Variants in PLEKHM3 observed in about 807,000 individuals in gnomAD.
PLEKHM3 encodes pleckstrin homology domain containing M3.
PLEKHM3 carries 45 observed loss-of-function variants against 81.8 expected under a neutral mutation model. The ratio of observed to expected loss-of-function variants is 0.55; its 90% confidence interval spans 0.43 to 0.71. The LOEUF (loss-of-function observed/expected upper bound fraction) is 0.71, where lower values mean the gene tolerates loss of function less well. Among genes scored for constraint, PLEKHM3 ranks in the 30% least tolerant of loss-of-function variants. The pLI is 0.00. For missense variants in PLEKHM3, 788 were observed against 924.3 expected, an observed-to-expected ratio of 0.85 and a Z score of 1.91; for synonymous variants, 352 against 356.4, an observed-to-expected ratio of 0.99 and a Z score of 0.14.
intron 7 of PLEKHM3, among the ~76,000 whole-genome samples, chr2:207,834,577 C>T (rs1319358743): frequency 6.6e-6 from 1 of 151,954 alleles, no homozygotes; most frequent in Non-Finnish European, 1.5e-5. Flanking sequence ...AGGCATGTGC[C>T]ACCACGCCTG....
At chr2:207,940,157 T>G (rs1476361336) in intron 4 of PLEKHM3, among the ~76,000 whole-genome samples, 1 of 152,202 alleles carries the variant, frequency 6.6e-6, no homozygotes, top group Admixed American at 6.5e-5. Context: ...ACACATTCCG[T>G]GTGCCCAGAG....
intron 7 of PLEKHM3, 140 bp from the exon 8 acceptor site, chr2:207,828,636 C>T (rs779710124): frequency 4.0e-6 from 3 of 751,786 alleles, no homozygotes; most frequent in Non-Finnish European, 4.2e-6. Flanking sequence ...AGATGACTCA[C>T]TGAAATGAAC....
chr2:207,828,625 G>A, intron 7 of PLEKHM3, 129 bp from the exon 8 acceptor site: 2 of 813,726 alleles, frequency 2.5e-6, no homozygotes, highest in Non-Finnish European at 3.8e-6. Context: ...AATGGGAAGG[G>A]AGATGACTCA....
intron 1 of PLEKHM3, among the ~76,000 whole-genome samples, chr2:208,002,803 T>C (rs990541152): frequency 6.6e-6 from 1 of 152,000 alleles, no homozygotes; most frequent in Non-Finnish European, 1.5e-5. Context: ...GTACAGTAGA[T>C]AGTAGCCATT....
At chr2:207,968,516 T>A (rs1691003182) in intron 3 of PLEKHM3, among the ~76,000 whole-genome samples, 1 of 152,158 alleles carries the variant, frequency 6.6e-6, no homozygotes, top group Non-Finnish European at 1.5e-5. Context: ...GGTCACCCCA[T>A]CCCATTCTTC....
intron 6 of PLEKHM3, among the ~76,000 whole-genome samples, chr2:207,890,093 C>T (rs1220326655): frequency 6.6e-6 from 1 of 152,172 alleles, no homozygotes; most frequent in East Asian, 1.9e-4. Flanking sequence ...GTGTGAGCCA[C>T]CGTCCCCTGC....
chr2:207,823,382 A>G lies in PLEKHM3; in HGVS notation c.*4937T>C. 1 of 151,714 alleles carries G rather than the reference A, an allele frequency of 6.6e-6. No homozygotes were observed. 9.4% of individuals were successfully genotyped at this position (151,714 alleles called of 1,614,324 possible). A position where few individuals can be genotyped will look rare whatever the true frequency, so the allele number is the denominator to read the frequency against. ...AGTGGCGCAATCTCGGCTCACTGCA[A>G]CCTCTGCCTCCCAGGTTCAAGCAAT... is the stretch of plus-strand genomic sequence containing the variant. On this transcript the variant is annotated 3_prime_UTR_variant, in exon 8 of 8. Coordinates refer to ENST00000427836, the MANE Select transcript of PLEKHM3 (RefSeq NM_001080475.3).
chr2:207,953,179 C>T (rs985532639), intron 3 of PLEKHM3, among the ~76,000 whole-genome samples: 11 of 152,220 alleles, frequency 7.2e-5, no homozygotes, highest in African/African-American at 1.9e-4. Flanking sequence ...TGGCATGCAG[C>T]TGATAGTCTT....
chr2:207,915,016 G>A (rs1574401639), intron 5 of PLEKHM3, among the ~76,000 whole-genome samples: 1 of 152,172 alleles, frequency 6.6e-6, no homozygotes, highest in Admixed American at 6.5e-5. Context: ...CAAAGGAAAC[G>A]ATATCACTAG....
intron 7 of PLEKHM3, among the ~76,000 whole-genome samples, chr2:207,842,909 C>T (rs948131319): frequency 2.6e-5 from 4 of 152,156 alleles, no homozygotes; most frequent in Admixed American, 2.0e-4. Context: ...ATGTGAGCTT[C>T]TTAGGCGGAA....
rs1463382762 is a variant in PLEKHM3 at position 207,976,790 on chromosome 2, C to T, written c.1407G>A (p.Leu469=). The T allele has an allele frequency of 6.2e-7, 1 of 1,614,102 alleles. No homozygotes were observed. The highest frequency in any genetic ancestry group is 1.3e-5 in the African/African-American group (1 of 74,936). ...RSSEQNLQVT[L]RNKPKDQMGG... ...CCATTTGATCCTTGGGTTTGTTCCTCAGTGTGACTTGCAGGTTTTGCTCTG... is the reference window on the plus strand; with the variant it reads ...CCATTTGATCCTTGGGTTTGTTCCTTAGTGTGACTTGCAGGTTTTGCTCTG... Residue 469 remains leucine, a synonymous_variant, in exon 3 of 8, where the codon CTG becomes CTA. Coordinates refer to ENST00000427836, the MANE Select transcript of PLEKHM3 (RefSeq NM_001080475.3). The surrounding 1 kb of genome is among the most constrained non-coding windows in gnomAD (Gnocchi z 4.1).
rs2092360627 is a variant in PLEKHM3, at chr2:207,842,589, G to C, written c.2109-14093C>G. Among the ~76,000 whole-genome samples, 3 of 136,156 alleles carry C rather than the reference G, an allele frequency of 2.2e-5. No individual in the cohort carries two copies. In the South Asian group the frequency reaches 6.3e-4, roughly 28 times the overall value. 89.3% of individuals were successfully genotyped at this position (136,156 alleles called of 152,430 possible). On this transcript the variant is annotated intron_variant, in intron 7 of 7. Coordinates refer to ENST00000427836, the MANE Select transcript of PLEKHM3 (RefSeq NM_001080475.3). ...CCTGATATATATTAACATTGAAGGA[G>C]GGAAGAAGGAGGGAAGGCCTGAACA...
At chr2:208,018,295 C>T (rs1444394828) in intron 1 of PLEKHM3, among the ~76,000 whole-genome samples, 1 of 149,614 alleles carries the variant, frequency 6.7e-6, no homozygotes, top group Non-Finnish European at 1.5e-5. Context: ...ATTGTTTGAA[C>T]CTGGGAGGCG....
Position 207,929,950 on chromosome 2 carries a change from C to T in PLEKHM3, c.1886+976G>A, listed in dbSNP as rs763474107. ...ATGCTGCTGGTCATTTCTATTAAAACAAAAAAATTAAAAGGTATTTTTAGA... is the reference window on the plus strand; with the variant it reads ...ATGCTGCTGGTCATTTCTATTAAAATAAAAAAATTAAAAGGTATTTTTAGA... On this transcript the variant is annotated intron_variant, in intron 5 of 7. Transcript: ENST00000427836. 3.5e-4 allele frequency: 240 copies of T among 692,824 alleles called. 1 individual carries two copies. The highest frequency in any genetic ancestry group is 8.3e-4 in the Admixed American group (40 of 48,406). 42.9% of individuals were successfully genotyped at this position (692,824 alleles called of 1,614,324 possible).
At chr2:207,880,405 T>TC (rs1177350860) in intron 6 of PLEKHM3, among the ~76,000 whole-genome samples, 6 of 68,288 alleles carry the variant, frequency 8.8e-5, no homozygotes, top group East Asian at 6.2e-4. Context: ...AGACTCTGTC[T>TC]AAAAGAAAAA....
At chr2:208,019,954 G>A (rs531514370) in intron 1 of PLEKHM3, among the ~76,000 whole-genome samples, 1 of 152,328 alleles carries the variant, frequency 6.6e-6, no homozygotes, top group East Asian at 1.9e-4. Flanking sequence ...TATAGTGCAG[G>A]TAAAAGTGGA....
chr2:207,867,647 A>C (rs1026917838), intron 6 of PLEKHM3, among the ~76,000 whole-genome samples: 30 of 152,158 alleles, frequency 2.0e-4, no homozygotes, highest in African/African-American at 7.2e-4. Context: ...CACACACACA[A>C]AATTATATAA....
chr2:207,951,800 C>T (rs1417540768), intron 3 of PLEKHM3, among the ~76,000 whole-genome samples: 5 of 152,200 alleles, frequency 3.3e-5, no homozygotes, highest in African/African-American at 1.2e-4. Context: ...CAACTGGCTG[C>T]AGTTGTTGTT....
chr2:207,897,752 C>T (rs1230180859), intron 6 of PLEKHM3, among the ~76,000 whole-genome samples: 4 of 152,184 alleles, frequency 2.6e-5, no homozygotes, highest in Non-Finnish European at 5.9e-5. Context: ...TGCTGGCCTC[C>T]TAAAAGCTCC....
Sources: gnomAD v4.1 joint callset for allele counts (sites outside exome capture counted in the v4.1 genomes callset) on GRCh38, gnomAD v4.1.1 for gene constraint, Gnocchi (gnomAD v3.1) non-coding constraint, MANE v1.5 for transcripts, NCBI Gene and HGNC (gene_info 2026-07-23, HGNC 2026-07-21) for gene names.